Variants in XPR1 observed in about 807,000 individuals in gnomAD.
XPR1 encodes xenotropic and polytropic retrovirus receptor 1.
XPR1 carries 28 observed loss-of-function variants against 87.5 expected under a neutral mutation model. The observed-to-expected ratio is 0.32, with a 90% CI of 0.24 to 0.44. The LOEUF (loss-of-function observed/expected upper bound fraction) is 0.44. Among genes scored for constraint, XPR1 ranks in the 20% least tolerant of loss-of-function variants. The pLI is 1.00. For missense variants in XPR1, 559 were observed against 862.3 expected, an observed-to-expected ratio of 0.65 and a Z score of 4.41; for synonymous variants, 300 against 306.1, an observed-to-expected ratio of 0.98 and a Z score of 0.21.
At chr1:180,774,617 C>T (rs988284702) in intron 2 of XPR1, among the ~76,000 whole-genome samples, 3 of 151,782 alleles carry the variant, frequency 2.0e-5, no homozygotes, top group Admixed American at 2.0e-4. Flanking sequence ...CCGTGTTAGC[C>T]AGGGTAGTCT....
chr1:180,861,483 A>G (rs1652219804), intron 11 of XPR1, among the ~76,000 whole-genome samples: 1 of 152,178 alleles, frequency 6.6e-6, no homozygotes. Flanking sequence ...TACATGTCAG[A>G]ACACACGAAC....
At chr1:180,862,784 C>A (rs1218558363) in intron 11 of XPR1, among the ~76,000 whole-genome samples, 3 of 152,070 alleles carry the variant, frequency 2.0e-5, no homozygotes, top group Non-Finnish European at 4.4e-5. Context: ...CTTTCTATAT[C>A]TTTGAGAAAC....
At chr1:180,719,175 G>C (rs1389865399) in intron 2 of XPR1, among the ~76,000 whole-genome samples, 2 of 152,152 alleles carry the variant, frequency 1.3e-5, no homozygotes, top group African/African-American at 2.4e-5. Flanking sequence ...GAAATGTACA[G>C]ACATAGATTT....
chr1:180,833,223 T>G (rs1351396267), intron 9 of XPR1, among the ~76,000 whole-genome samples: 2 of 152,158 alleles, frequency 1.3e-5, no homozygotes, highest in Non-Finnish European at 2.9e-5. Context: ...TGCAAAAACA[T>G]ACCAAAATGT....
At chr1:180,649,647 T>C (rs1655231962) in intron 1 of XPR1, among the ~76,000 whole-genome samples, 1 of 152,164 alleles carries the variant, frequency 6.6e-6, no homozygotes, top group Admixed American at 6.5e-5. Flanking sequence ...TATTCCTAGT[T>C]GTGGGTGTTA....
At chr1:180,703,536 T>C (rs893807212) in intron 2 of XPR1, among the ~76,000 whole-genome samples, 1 of 152,086 alleles carries the variant, frequency 6.6e-6, no homozygotes, top group African/African-American at 2.4e-5. Flanking sequence ...GCACCAATGG[T>C]AGGCAGGGCA....
chr1:180,846,874 A>G (rs1297599275), intron 11 of XPR1, among the ~76,000 whole-genome samples: 1 of 151,788 alleles, frequency 6.6e-6, no homozygotes, highest in Non-Finnish European at 1.5e-5. Flanking sequence ...AAAAAAAATG[A>G]TGCCACTTAA....
At chr1:180,809,793 A>G (rs540287742) in intron 6 of XPR1, among the ~76,000 whole-genome samples, 79 of 152,342 alleles carry the variant, frequency 5.2e-4, no homozygotes, top group Admixed American at 2.2e-3. Context: ...TAACAGTCCA[A>G]ATAAATTATA....
At chr1:180,726,846 T>C (rs1216406210) in intron 2 of XPR1, among the ~76,000 whole-genome samples, 1 of 152,094 alleles carries the variant, frequency 6.6e-6, no homozygotes, top group Non-Finnish European at 1.5e-5. Flanking sequence ...TTTAAGTTGA[T>C]AGGTGAATAT....
chr1:180,810,833 G>GTA (rs913005034), intron 6 of XPR1, among the ~76,000 whole-genome samples: 22 of 151,470 alleles, frequency 1.5e-4, no homozygotes, highest in African/African-American at 4.4e-4. Context: ...ATATATGTGT[G>GTA]TATATATATA....
chr1:180,790,579 G>A (rs754631952), intron 3 of XPR1, among the ~76,000 whole-genome samples: 1 of 152,058 alleles, frequency 6.6e-6, no homozygotes, highest in Admixed American at 6.6e-5. Flanking sequence ...TCACTCTGTC[G>A]CCCAGGCTGG....
At chr1:180,660,619 A>G (rs547960044) in intron 1 of XPR1, among the ~76,000 whole-genome samples, 24 of 152,226 alleles carry the variant, frequency 1.6e-4, no homozygotes, top group African/African-American at 5.8e-4. Flanking sequence ...GTCATTCAGG[A>G]GCATATTGTT....
chr1:180,639,859 G>A (rs1181908900), intron 1 of XPR1, among the ~76,000 whole-genome samples: 1 of 152,188 alleles, frequency 6.6e-6, no homozygotes, highest in African/African-American at 2.4e-5. Context: ...GGAGTTCCCT[G>A]GGTGAGGAGT....
intron 1 of XPR1, among the ~76,000 whole-genome samples, chr1:180,677,855 A>G (rs1338375486): frequency 6.6e-6 from 1 of 152,230 alleles, no homozygotes; most frequent in East Asian, 1.9e-4. Context: ...AACAAGGACA[A>G]TTTGGAGGTT....
At chr1:180,794,186 A>G (rs550403319) in intron 3 of XPR1, among the ~76,000 whole-genome samples, 43 of 152,348 alleles carry the variant, frequency 2.8e-4, no homozygotes, top group African/African-American at 9.4e-4. Flanking sequence ...TGTAGCATAT[A>G]TAGTATAGCC....
intron 11 of XPR1, among the ~76,000 whole-genome samples, chr1:180,855,323 CT>C (rs1433871433): frequency 6.6e-6 from 1 of 152,020 alleles, no homozygotes; most frequent in East Asian, 1.9e-4. Flanking sequence ...GTATTTTGTC[CT>C]TTGTTAACAT....
At chr1:180,729,456 T>C (rs1175128320) in intron 2 of XPR1, among the ~76,000 whole-genome samples, 1 of 152,220 alleles carries the variant, frequency 6.6e-6, no homozygotes, top group Non-Finnish European at 1.5e-5. Flanking sequence ...TAGTTCTGTT[T>C]TAAGTTCTTT....
chr1:180,642,121 G>A (rs1654980155), intron 1 of XPR1, among the ~76,000 whole-genome samples: 1 of 152,144 alleles, frequency 6.6e-6, no homozygotes, highest in African/African-American at 2.4e-5. Context: ...GCCCTATTTA[G>A]TTATGGTCAC....
intron 2 of XPR1, among the ~76,000 whole-genome samples, chr1:180,726,317 G>A (rs931386209): frequency 7.9e-5 from 12 of 152,312 alleles, no homozygotes; most frequent in African/African-American, 1.4e-4. Context: ...AGCGCAACCT[G>A]CTTGGGTCCC....
Sources: allele counts gnomAD v4.1 joint callset (sites outside exome capture counted in the v4.1 genomes callset), GRCh38; gene constraint gnomAD v4.1.1; transcripts MANE v1.5; gene names NCBI Gene and HGNC (gene_info 2026-07-23, HGNC 2026-07-21).